Variants in MPPED2 observed in about 807,000 individuals in gnomAD.
The protein encoded by MPPED2 is metallophosphoesterase domain containing 2, also known as metallophosphoesterase MPPED2.
A neutral mutation model predicts 33.0 loss-of-function variants in MPPED2; 5 were observed. The ratio of observed to expected loss-of-function variants is 0.15; its 90% confidence interval spans 0.08 to 0.32. MPPED2 has a LOEUF of 0.32. MPPED2 is among the 10% of genes least tolerant of loss of function. The pLI is 1.00. For synonymous variants in MPPED2, 136 were observed against 141.9 expected (o/e 0.96, Z 0.29); for missense variants, 275 against 372.1 (o/e 0.74, Z 2.15).
chr11:30,417,149 T>C (rs990711860), intron 5 of MPPED2, among the ~76,000 whole-genome samples: 2 of 152,178 alleles, frequency 1.3e-5, no homozygotes, highest in African/African-American at 4.8e-5. Flanking sequence ...ATCATTTCAT[T>C]GCCATTCAAA....
chr11:30,420,005 A>T (rs145662137), intron 4 of MPPED2, among the ~76,000 whole-genome samples: 1,611 of 152,244 alleles, frequency 0.011, 22 homozygotes, highest in African/African-American at 0.037. Context: ...TAATATATAC[A>T]ATCATTGTAT....
intron 4 of MPPED2, among the ~76,000 whole-genome samples, chr11:30,433,408 T>C (rs944071224): frequency 2.0e-5 from 3 of 152,238 alleles, no homozygotes; most frequent in Admixed American, 1.3e-4. Flanking sequence ...GCTTGCCATG[T>C]AGCATGTACT....
chr11:30,476,288 T>C (rs1951192184), intron 4 of MPPED2, among the ~76,000 whole-genome samples: 2 of 151,918 alleles, frequency 1.3e-5, no homozygotes, highest in South Asian at 4.2e-4. Context: ...TCTTCAGTGG[T>C]TTATGTTGTT....
intron 1 of MPPED2, among the ~76,000 whole-genome samples, chr11:30,580,912 A>G (rs574035391): frequency 6.6e-6 from 1 of 152,348 alleles, no homozygotes; most frequent in East Asian, 1.9e-4. Context: ...TGAAAGCTCC[A>G]TGTTTAAAGC....
In MPPED2 at chr11:30,393,571, T is replaced by C. The variant is rs377402259; in HGVS notation, c.767-4615A>G. Among the ~76,000 whole-genome samples, 13 of 151,808 alleles carry C rather than the reference T, an allele frequency of 8.6e-5. No homozygotes were observed. The East Asian group carries it at 1.7e-3, about 20-fold the overall frequency. ...GACATAGTATATAGTTACTATTTAT[T>C]ATAATATAACCTCCCAGGAGTTTTT... On this transcript the variant is annotated intron_variant, in intron 6 of 6. Transcript: ENST00000448418.
intron 2 of MPPED2, among the ~76,000 whole-genome samples, chr11:30,574,329 G>A (rs1302629187): frequency 6.6e-6 from 1 of 152,162 alleles, no homozygotes; most frequent in African/African-American, 2.4e-5. Context: ...ACAGTATTCA[G>A]TACAGTAGGA....
At chr11:30,581,735 T>C (rs551543951) in intron 1 of MPPED2, among the ~76,000 whole-genome samples, 27 of 152,326 alleles carry the variant, frequency 1.8e-4, no homozygotes, top group Non-Finnish European at 3.2e-4. Context: ...TAATCCCCCA[T>C]ATGCTAGCTG....
At position 30,556,493 on chromosome 11, in the gene MPPED2, T is replaced by A. The variant is rs150581632; in HGVS notation, c.129-20318A>T. On this transcript the variant is annotated intron_variant, in intron 2 of 6. Coordinates refer to ENST00000358117, the MANE Select transcript of MPPED2 (RefSeq NM_001584.3). ...ACTTCAATTCCACATGGTTTTATCA[T>A]GAACATTGTTTGGAAAAGAAAATAA... is the stretch of plus-strand genomic sequence containing the variant. Among the ~76,000 whole-genome samples, 1,396 of 152,344 alleles carry A rather than the reference T, an allele frequency of 9.2e-3. 27 individuals carry two copies. Among genetic ancestry groups the A allele is most frequent in the Admixed American group, 0.05 (770 of 15,304 alleles).
chr11:30,417,484 C>T (rs1187782549), intron 5 of MPPED2, 34 bp downstream of exon 5: 1 of 1,263,160 alleles, frequency 7.9e-7, no homozygotes, highest in East Asian at 2.4e-5. Flanking sequence ...AAAAAGGCAT[C>T]TGGATGACAA....
At chr11:30,386,744 A>C (rs890058469) in exon 7 of MPPED2, 1 of 398,430 alleles carries the variant, frequency 2.5e-6, no homozygotes, top group Non-Finnish European at 4.4e-6. Flanking sequence ...CATTCACAAC[A>C]GTCAAACCCT....
chr11:30,463,198 A>T lies in MPPED2; in HGVS notation c.536+32098T>A, dbSNP rs16920711. Among the ~76,000 whole-genome samples the T allele has an allele frequency of 7.5e-3, 1,136 of 152,340 alleles. 23 individuals are homozygous for T. The highest frequency in any genetic ancestry group is 0.026 in the African/African-American group (1,080 of 41,576). ...GGGCAATTTTGAAATATCAATTGCA[A>T]TGTAATCCTGATAACAACTGAAGAA... On this transcript the variant is annotated intron_variant, in intron 4 of 6. Transcript: ENST00000358117.
chr11:30,550,422 A>T (rs1955648077), intron 2 of MPPED2, among the ~76,000 whole-genome samples: 1 of 152,210 alleles, frequency 6.6e-6, no homozygotes, highest in African/African-American at 2.4e-5. Flanking sequence ...CCAGAGCCAA[A>T]GCCCGTCAGT....
At chr11:30,490,488 A>C (rs937395794) in intron 4 of MPPED2, among the ~76,000 whole-genome samples, 1 of 152,146 alleles carries the variant, frequency 6.6e-6, no homozygotes. Flanking sequence ...CTCCTGAGGT[A>C]AGGGTGCCCC....
chr11:30,555,560 G>C (rs1043817920), intron 2 of MPPED2, among the ~76,000 whole-genome samples: 1 of 152,018 alleles, frequency 6.6e-6, no homozygotes, highest in East Asian at 1.9e-4. Context: ...GGTTTTTCCC[G>C]TGCCCTTCTC....
intron 2 of MPPED2, 34 bp from the exon 3 acceptor site, chr11:30,536,209 A>C (rs1217704337): frequency 1.2e-5 from 18 of 1,472,148 alleles, no homozygotes; most frequent in Non-Finnish European, 1.5e-5. Flanking sequence ...ATAACAGTTA[A>C]ACATATTAGA....
intron 5 of MPPED2, among the ~76,000 whole-genome samples, chr11:30,414,951 G>A (rs1212449438): frequency 6.6e-6 from 1 of 152,058 alleles, no homozygotes; most frequent in African/African-American, 2.4e-5. Context: ...TACTTTTAAA[G>A]TAAAAGCCAC....
chr11:30,440,254 C>T (rs1480037862), intron 4 of MPPED2, among the ~76,000 whole-genome samples: 2 of 151,388 alleles, frequency 1.3e-5, no homozygotes, highest in Non-Finnish European at 2.9e-5. Flanking sequence ...TGCTTGAATC[C>T]GGGAGGCGGA....
intron 2 of MPPED2, among the ~76,000 whole-genome samples, chr11:30,545,946 AC>A (rs1403749291): frequency 6.6e-6 from 1 of 151,942 alleles, no homozygotes; most frequent in Non-Finnish European, 1.5e-5. Context: ...CACTGCAACC[AC>A]CTCCCAGGTT....
At chr11:30,462,705 C>G (rs1950556118) in intron 4 of MPPED2, among the ~76,000 whole-genome samples, 1 of 152,124 alleles carries the variant, frequency 6.6e-6, no homozygotes, top group Admixed American at 6.5e-5. Context: ...CATTCCCATC[C>G]CCTCTAACTT....
Sources: allele counts gnomAD v4.1 joint callset (sites outside exome capture counted in the v4.1 genomes callset), GRCh38; gene constraint gnomAD v4.1.1; transcripts MANE v1.5; gene names NCBI Gene and HGNC (gene_info 2026-07-23, HGNC 2026-07-21).